DOCK2: variants seen among roughly 807,000 people sequenced by gnomAD.
DOCK2 encodes dedicator of cytokinesis 2, also known as dedicator of cytokinesis protein 2.
DOCK2 carries 87 observed loss-of-function variants against 248.9 expected under a neutral mutation model. The ratio of observed to expected loss-of-function variants is 0.35; its 90% CI spans 0.29 to 0.42. The LOEUF (loss-of-function observed/expected upper bound fraction) is 0.42, where lower values mean the gene tolerates loss of function less well. Ranked by LOEUF, DOCK2 falls within the 10% of genes least tolerant of loss-of-function variation. DOCK2 has a pLI of 1.00. For synonymous variants in DOCK2, 805 were observed against 821.6 expected, an observed-to-expected ratio of 0.98 and a Z score of 0.35; for missense variants, 1,747 against 2,300.2, an observed-to-expected ratio of 0.76 and a Z score of 4.92.
At chr5:169,864,033 G>C (rs1386107472) in intron 27 of DOCK2, among the ~76,000 whole-genome samples, 1 of 152,180 alleles carries the variant, frequency 6.6e-6, no homozygotes, top group African/African-American at 2.4e-5. Context: ...CAGGGAACTT[G>C]GCAAGCGGTC....
At position 169,646,670 on chromosome 5, in the gene DOCK2, G is replaced by A. The variant is rs115781968; in HGVS notation, c.44-7733G>A. 3.1e-3 allele frequency among the ~76,000 whole-genome samples: 476 copies of A among 152,274 alleles called. 5 individuals carry two copies. Among genetic ancestry groups the A allele is most frequent in the African/African-American group, 0.01 (420 of 41,544 alleles). The stretch of plus-strand genomic sequence containing the variant: ...AGGTCCCATTGAGAATCCTGTGACC[G>A]CTAGAAACACACTTCTTCCCATTAA... On this transcript the variant is annotated intron_variant, in intron 1 of 51. Transcript: ENST00000520908.
At chr5:170,048,121 G>A (rs1756780413) in intron 40 of DOCK2, among the ~76,000 whole-genome samples, 1 of 152,214 alleles carries the variant, frequency 6.6e-6, no homozygotes, top group Non-Finnish European at 1.5e-5. Flanking sequence ...TCCAGGCATG[G>A]TGGCTGATGC....
At chr5:170,060,199 G>C (rs368924035) in intron 44 of DOCK2, among the ~76,000 whole-genome samples, 1 of 152,156 alleles carries the variant, frequency 6.6e-6, no homozygotes, top group East Asian at 1.9e-4. Flanking sequence ...TTTACAAGGA[G>C]CCCTGATCTA....
At chr5:169,658,169 C>G (rs1390179547) in intron 2 of DOCK2, among the ~76,000 whole-genome samples, 2 of 152,126 alleles carry the variant, frequency 1.3e-5, no homozygotes, top group African/African-American at 2.4e-5. Flanking sequence ...CTCAATTTCA[C>G]TTGGTTTCTT....
At chr5:169,660,713 G>A (rs1758399364) in intron 2 of DOCK2, among the ~76,000 whole-genome samples, 1 of 152,160 alleles carries the variant, frequency 6.6e-6, no homozygotes, top group Admixed American at 6.5e-5. Context: ...GACATTATAA[G>A]CACTTAACAT....
At chr5:169,768,056 T>G (rs1307049995) in intron 25 of DOCK2, among the ~76,000 whole-genome samples, 2 of 152,186 alleles carry the variant, frequency 1.3e-5, no homozygotes, top group Non-Finnish European at 2.9e-5. Flanking sequence ...AGCTGGTGCA[T>G]GTGGCCTCCC....
intron 25 of DOCK2, among the ~76,000 whole-genome samples, chr5:169,777,319 A>G (rs748829586): frequency 9.2e-5 from 14 of 152,190 alleles, no homozygotes; most frequent in Non-Finnish European, 1.8e-4. Flanking sequence ...CCTTGATGGC[A>G]GGGGGTGTGT....
At chr5:170,013,057 A>G (rs1429851493) in intron 32 of DOCK2, among the ~76,000 whole-genome samples, 1 of 152,120 alleles carries the variant, frequency 6.6e-6, no homozygotes, top group Non-Finnish European at 1.5e-5. Flanking sequence ...TCAGGCCAAA[A>G]GGGATATAAG....
intron 2 of DOCK2, among the ~76,000 whole-genome samples, chr5:169,665,588 G>A (rs1462344597): frequency 6.6e-6 from 1 of 152,090 alleles, no homozygotes; most frequent in Non-Finnish European, 1.5e-5. Flanking sequence ...TTGTCCATAT[G>A]TAGGTAACAC....
intron 27 of DOCK2, among the ~76,000 whole-genome samples, chr5:169,873,366 G>A (rs1040983359): frequency 1.5e-4 from 23 of 152,188 alleles, no homozygotes; most frequent in Non-Finnish European, 1.5e-4. Context: ...TTTAAGCTGT[G>A]TTTGCTATTG....
At position 169,840,738 on chromosome 5, in the gene DOCK2, G is replaced by C. The variant is rs1373601018; in HGVS notation, c.2704-19G>C. 6.2e-7 allele frequency: 1 copy of C among 1,611,786 alleles called. No individual in the cohort carries two copies. Among genetic ancestry groups the C allele is most frequent in the African/African-American group, 1.3e-5 (1 of 74,784 alleles). On this transcript the variant is annotated intron_variant, in intron 26 of 51. Coordinates refer to ENST00000520908, the MANE Select transcript of DOCK2 (RefSeq NM_004946.3). ...GCAGTGTCCTGGTTGTCACATAGAT[G>C]TCTCTGACTGTTTTACAGGCCTTCA...
At chr5:169,817,111 C>G (rs1435963814) in intron 26 of DOCK2, among the ~76,000 whole-genome samples, 1 of 152,218 alleles carries the variant, frequency 6.6e-6, no homozygotes, top group Non-Finnish European at 1.5e-5. Flanking sequence ...GAGCCAGACC[C>G]TGCCTTTCCT....
intron 36 of DOCK2, 36 bp from the exon 37 acceptor site, chr5:170,041,019 C>T (rs1437753537): frequency 1.3e-6 from 2 of 1,588,390 alleles, no homozygotes; most frequent in African/African-American, 1.3e-5. Flanking sequence ...CTTTTCACTG[C>T]ACCTGGTAGC....
intron 27 of DOCK2, among the ~76,000 whole-genome samples, chr5:169,909,035 G>C (rs1484601621): frequency 6.6e-6 from 1 of 152,184 alleles, no homozygotes; most frequent in Admixed American, 6.5e-5. Flanking sequence ...AGCCCCTAGA[G>C]TGAATGTGAG....
chr5:170,033,064 C>T (rs1756200578), intron 34 of DOCK2, among the ~76,000 whole-genome samples: 1 of 152,092 alleles, frequency 6.6e-6, no homozygotes. Context: ...CCTTCATTTT[C>T]TCACCTGCAA....
chr5:170,081,796 C>A, intron 50 of DOCK2, 46 bp from the exon 51 acceptor site: 1 of 1,555,982 alleles, frequency 6.4e-7, no homozygotes. Flanking sequence ...AGGCACTGCC[C>A]CTCCTCTACC....
intron 27 of DOCK2, among the ~76,000 whole-genome samples, chr5:169,841,887 C>T (rs4867576): frequency 0.013 from 2,051 of 152,232 alleles, 61 homozygotes; most frequent in South Asian, 0.1. Context: ...ATTGCTGTGT[C>T]TCTAGGTCGT....
intron 25 of DOCK2, among the ~76,000 whole-genome samples, chr5:169,771,982 C>T (rs78526208): frequency 0.011 from 1,688 of 152,244 alleles, 34 homozygotes; most frequent in African/African-American, 0.038. Flanking sequence ...ACCTCTTTCC[C>T]AGCTTCATCT....
At chr5:169,771,057 C>T (rs447858) in intron 25 of DOCK2, among the ~76,000 whole-genome samples, 7,132 of 152,250 alleles carry the variant, frequency 0.047, 322 homozygotes, top group African/African-American at 0.11. Flanking sequence ...TACCAATTTA[C>T]ACTCCCACCA....
Sources: gnomAD v4.1 joint callset for allele counts (sites outside exome capture counted in the v4.1 genomes callset) on GRCh38, gnomAD v4.1.1 for gene constraint, MANE v1.5 for transcripts, NCBI Gene and HGNC (gene_info 2026-07-23, HGNC 2026-07-21) for gene names.